Variants in DNAH7 observed in about 807,000 individuals in gnomAD.
The protein encoded by DNAH7 is dynein axonemal heavy chain 7, also known as axonemal beta dynein heavy chain 7.
DNAH7 carries 397 observed loss-of-function variants against 444.6 expected under a neutral mutation model. That is an observed-to-expected ratio of 0.89 (90% CI 0.82 to 0.97). The LOEUF (loss-of-function observed/expected upper bound fraction) is 0.97, where lower values mean the gene tolerates loss of function less well. Ranked by LOEUF, DNAH7 falls within the 50% of genes least tolerant of loss-of-function variation. The pLI is 0.00. For synonymous variants in DNAH7, 1,636 were observed against 1,624.4 expected, an observed-to-expected ratio of 1.01 and a Z score of -0.17; for missense variants, 4,902 against 4,800.8, an observed-to-expected ratio of 1.02 and a Z score of -0.62.
At chr2:195,766,196 C>CA (rs1447137070) in intron 61 of DNAH7, among the ~76,000 whole-genome samples, 1 of 30,316 alleles carries the variant, frequency 3.3e-5, no homozygotes, top group African/African-American at 9.4e-5. Flanking sequence ...TTTTTTGAGA[C>CA]AGAGTCTTGC....
chr2:195,828,932 T>A (rs1697927034), intron 48 of DNAH7, among the ~76,000 whole-genome samples: 1 of 152,174 alleles, frequency 6.6e-6, no homozygotes, highest in Non-Finnish European at 1.5e-5. Context: ...GAATGTTTTG[T>A]GGCTTACTAC....
chr2:195,888,584 G>T, intron 32 of DNAH7, 150 bp from the exon 33 acceptor site: 1 of 1,010,404 alleles, frequency 9.9e-7, no homozygotes, highest in Non-Finnish European at 1.4e-6. Flanking sequence ...TTTTGTGTCT[G>T]ACTTTACCAA....
At chr2:195,931,546 A>T (rs1688696839) in intron 21 of DNAH7, among the ~76,000 whole-genome samples, 1 of 151,488 alleles carries the variant, frequency 6.6e-6, no homozygotes, top group Non-Finnish European at 1.5e-5. Context: ...TAGGGTTTTT[A>T]TGGTTTTAGG....
At chr2:195,793,593 A>C (rs1336918568) in intron 57 of DNAH7, among the ~76,000 whole-genome samples, 1 of 152,212 alleles carries the variant, frequency 6.6e-6, no homozygotes, top group East Asian at 1.9e-4. Context: ...GGTTTGACTT[A>C]GTTTTAAATA....
intron 19 of DNAH7, among the ~76,000 whole-genome samples, chr2:195,937,324 T>C (rs1689122697): frequency 6.6e-6 from 1 of 152,182 alleles, no homozygotes; most frequent in Non-Finnish European, 1.5e-5. Flanking sequence ...CCCTTGAAAC[T>C]ACTTTATAAC....
chr2:195,917,402 C>A (rs1687756501), intron 24 of DNAH7, among the ~76,000 whole-genome samples: 1 of 151,904 alleles, frequency 6.6e-6, no homozygotes, highest in Non-Finnish European at 1.5e-5. Flanking sequence ...GCTGGCAGGC[C>A]ACTGCACAGG....
At chr2:195,984,838 TAATA>T (rs1159135884) in intron 14 of DNAH7, 128 bp from the exon 15 acceptor site, 2 of 850,572 alleles carry the variant, frequency 2.4e-6, no homozygotes, top group Admixed American at 5.2e-5. Context: ...ATATGACATC[TAATA>T]ATTAAAAGCA....
chr2:195,976,731 GAGACAGAGAGGCAGAC>G (rs1692209046), intron 15 of DNAH7, among the ~76,000 whole-genome samples: 1 of 143,300 alleles, frequency 7.0e-6, no homozygotes, highest in Admixed American at 7.2e-5. Context: ...CAGACAGAGA[GAGACAGAGAGGCAGAC>G]AGAGAGAGAG....
At chr2:195,742,338 T>C (rs1384858255) in intron 63 of DNAH7, among the ~76,000 whole-genome samples, 2 of 152,226 alleles carry the variant, frequency 1.3e-5, no homozygotes, top group Non-Finnish European at 1.5e-5. Context: ...GTGAGCTATT[T>C]AATACCCTGC....
chr2:195,760,012 A>G (rs1694275222), intron 61 of DNAH7, among the ~76,000 whole-genome samples: 1 of 152,124 alleles, frequency 6.6e-6, no homozygotes. Context: ...TTCTTAATCA[A>G]TACTTGGCTA....
At chr2:195,834,397 T>C in intron 47 of DNAH7, 37 bp from the exon 48 acceptor site, 1 of 1,565,934 alleles carries the variant, frequency 6.4e-7, no homozygotes, top group Non-Finnish European at 8.7e-7. Context: ...GGTCAAGCCA[T>C]GATTTGTTTC....
rs781169586 is a variant in DNAH7, at chr2:195,972,241, C to A, written c.2058+1G>T. The A allele has an allele frequency of 6.2e-7, 1 of 1,607,844 alleles. No homozygotes were observed. The highest frequency in any genetic ancestry group is 1.1e-5 in the South Asian group (1 of 90,122). On this transcript the variant is annotated splice_donor_variant, in intron 16 of 64. Coordinates refer to ENST00000312428, the MANE Select transcript of DNAH7 (RefSeq NM_018897.3). LOFTEE classifies it high-confidence loss of function. The stretch of plus-strand genomic sequence containing the variant: ...GAAAATAAAATATCTAAGATGCCAA[C>A]CTTCAGACCTTCTTGATATTGTTCT...
intron 19 of DNAH7, among the ~76,000 whole-genome samples, chr2:195,954,969 T>C (rs957889649): frequency 1.4e-4 from 22 of 152,228 alleles, no homozygotes; most frequent in Non-Finnish European, 2.8e-4. Flanking sequence ...TCCCATTCTG[T>C]AGGTTGCCTG....
At chr2:195,939,815 T>C (rs1689299151) in intron 19 of DNAH7, among the ~76,000 whole-genome samples, 1 of 152,020 alleles carries the variant, frequency 6.6e-6, no homozygotes, top group Non-Finnish European at 1.5e-5. Context: ...TTCTCATTTC[T>C]GCTACTAGGA....
At chr2:195,892,188 T>C (rs975331822) in intron 30 of DNAH7, among the ~76,000 whole-genome samples, 2 of 152,208 alleles carry the variant, frequency 1.3e-5, no homozygotes, top group African/African-American at 4.8e-5. Flanking sequence ...CTGCCACATA[T>C]TCTTCTATGT....
intron 2 of DNAH7, 29 bp downstream of exon 2, chr2:196,058,025 T>C (rs756090670): frequency 1.4e-6 from 2 of 1,428,418 alleles, no homozygotes; most frequent in East Asian, 5.0e-5. Flanking sequence ...CATAAAGGAA[T>C]GAAGTATGAT....
chr2:195,990,344 T>C (rs1301938797), intron 12 of DNAH7, among the ~76,000 whole-genome samples: 1 of 152,132 alleles, frequency 6.6e-6, no homozygotes. Context: ...CCTTTCCCAA[T>C]GTATGCTCTT....
In DNAH7 at chr2:195,965,864, G is replaced by A. The variant is rs548940043; in HGVS notation, c.2205+4084C>T. Among the ~76,000 whole-genome samples, 58 of 151,332 alleles carry A rather than the reference G, an allele frequency of 3.8e-4. No homozygotes were observed. In the South Asian group the frequency reaches 4.6e-3, roughly 12 times the overall value. On this transcript the variant is annotated intron_variant, in intron 17 of 64. Transcript: ENST00000312428. ...TTTGGGTCTTCTCTCTTTTTTTCTT[G>A]GGTAGTCTAGTTAAAGGTTTATCAA... is the stretch of plus-strand genomic sequence containing the variant.
At chr2:195,789,336 T>C (rs1457308661) in intron 57 of DNAH7, among the ~76,000 whole-genome samples, 2 of 152,134 alleles carry the variant, frequency 1.3e-5, no homozygotes, top group African/African-American at 4.8e-5. Flanking sequence ...TCATAGTCCA[T>C]GCCAATTAAT....
Sources: gnomAD v4.1 joint callset for allele counts (sites outside exome capture counted in the v4.1 genomes callset) on GRCh38, gnomAD v4.1.1 for gene constraint, MANE v1.5 for transcripts, NCBI Gene and HGNC (gene_info 2026-07-23, HGNC 2026-07-21) for gene names.